Variants in LONP2 observed in about 807,000 individuals in gnomAD.
LONP2 encodes lon protease homolog 2, peroxisomal.
Under a neutral mutation model 85.6 loss-of-function variants are expected in LONP2, and 60 were observed. The observed-to-expected ratio is 0.70, with a 90% CI of 0.57 to 0.87. The LOEUF is 0.87. Among genes scored for constraint, LONP2 ranks in the 40% least tolerant of loss-of-function variants. The pLI is 0.00. For synonymous variants in LONP2, 395 were observed against 389.7 expected, an observed-to-expected ratio of 1.01 and a Z score of -0.16; for missense variants, 860 against 1,063.5, an observed-to-expected ratio of 0.81 and a Z score of 2.66.
At chr16:48,321,177 G>A (rs557152297) in intron 11 of LONP2, among the ~76,000 whole-genome samples, 3 of 152,262 alleles carry the variant, frequency 2.0e-5, no homozygotes, top group East Asian at 1.9e-4. Context: ...GAGCCACCGC[G>A]CCCGGCCTGC....
At chr16:48,341,192 C>T (rs1191991781) in intron 12 of LONP2, among the ~76,000 whole-genome samples, 5 of 152,028 alleles carry the variant, frequency 3.3e-5, no homozygotes, top group Middle Eastern at 3.2e-3. Context: ...CTCAGCTACT[C>T]GAGAGGCCGA....
intron 9 of LONP2, among the ~76,000 whole-genome samples, chr16:48,296,959 T>G (rs1268397528): frequency 6.6e-6 from 1 of 152,126 alleles, no homozygotes; most frequent in Non-Finnish European, 1.5e-5. Flanking sequence ...CTGGAAGAGA[T>G]CAAATATCAC....
Position 48,351,777 on chromosome 16 carries a change from C to G in LONP2, c.2534C>G (p.Pro845Arg), listed in dbSNP as rs1190529608. Reference protein sequence around the residue: ...FDGGFTVKTRPGLLNSKL With the variant: ...FDGGFTVKTRRGLLNSKL ...GGTGGCTTTACTGTCAAGACCAGAC[C>G]TGGTCTGTTAAATAGCAAACTGTAG... Residue 845 changes from proline (P) to arginine (R), a missense_variant, in exon 15 of 15, where the codon CCT becomes CGT. Transcript: ENST00000285737. 3.1e-6 allele frequency: 5 copies of G among 1,614,120 alleles called. No individual in the cohort carries two copies. Among genetic ancestry groups the G allele is most frequent in the Non-Finnish European group, 3.4e-6 (4 of 1,180,004 alleles).
intron 8 of LONP2, among the ~76,000 whole-genome samples, chr16:48,286,711 G>A (rs958126119): frequency 6.6e-6 from 1 of 151,928 alleles, no homozygotes; most frequent in Non-Finnish European, 1.5e-5. Context: ...TGCCCAGGCT[G>A]GTCTCGAACT....
At chr16:48,338,243 A>G (rs1260595688) in intron 12 of LONP2, among the ~76,000 whole-genome samples, 1 of 152,254 alleles carries the variant, frequency 6.6e-6, no homozygotes, top group Non-Finnish European at 1.5e-5. Context: ...TTCTGGCAAC[A>G]CAGTAGTAAA....
downstream of LONP2, among the ~76,000 whole-genome samples, chr16:48,359,651 G>A (rs1027076977): frequency 5.3e-5 from 8 of 152,058 alleles, no homozygotes; most frequent in Admixed American, 3.9e-4. Context: ...AGGAGGCCGA[G>A]GTTGCAGTGA....
chr16:48,267,289 A>G (rs1215792040), intron 6 of LONP2, among the ~76,000 whole-genome samples: 2 of 152,192 alleles, frequency 1.3e-5, no homozygotes, highest in Admixed American at 6.5e-5. Flanking sequence ...TTATAAAACC[A>G]TGAAAATGCC....
intron 10 of LONP2, 40 bp downstream of exon 10, chr16:48,299,828 C>CT: frequency 6.3e-7 from 1 of 1,588,446 alleles, no homozygotes; most frequent in African/African-American, 1.4e-5. Context: ...CTCCAGGCAA[C>CT]TTTTGAGTAT....
chr16:48,346,040 G>A (rs1340670791), intron 12 of LONP2: 2 of 124,802 alleles, frequency 1.6e-5, no homozygotes, highest in Non-Finnish European at 1.6e-5. Flanking sequence ...TGAGACTCAT[G>A]TCTCAAAAAA....
Position 48,351,581 on chromosome 16 carries a change from G to T in LONP2, c.2338G>T (p.Val780Leu). The change falls in exon 15 of 15, where the codon GTG (valine) becomes TTG (leucine). Residue 780 changes from valine (V) to leucine (L), a missense_variant and splice_region_variant. By Grantham distance (32) the Val-to-Leu change is conservative. Coordinates refer to ENST00000285737, the MANE Select transcript of LONP2 (RefSeq NM_031490.5). ...EITLRGLVLP[V>L]GGIKDKVLAA... ...TAAAAACTTTTTTCTCTCCTTACAG[G>T]TGGGTGGAATTAAAGACAAAGTGCT... is the stretch of plus-strand genomic sequence containing the variant. The T allele has an allele frequency of 1.9e-6, 3 of 1,613,588 alleles. No individual in the cohort carries two copies. The South Asian group carries it at 3.3e-5, about 18-fold the overall frequency.
downstream of LONP2, chr16:48,362,275 T>C: frequency 1.2e-6 from 2 of 1,614,190 alleles, no homozygotes; most frequent in Non-Finnish European, 1.7e-6. The surrounding 1 kb of genome is among the most constrained non-coding windows in gnomAD (Gnocchi z 4.2). Flanking sequence ...CATTGAAGAA[T>C]GGGCGGTAAC....
chr16:48,283,923 A>T (rs993016968), intron 8 of LONP2, among the ~76,000 whole-genome samples: 16 of 152,226 alleles, frequency 1.1e-4, no homozygotes, highest in Non-Finnish European at 2.2e-4. Flanking sequence ...CATTAAGAAC[A>T]TTCATGATTC....
intron 12 of LONP2, among the ~76,000 whole-genome samples, chr16:48,340,980 C>G (rs1189850299): frequency 6.6e-6 from 1 of 151,776 alleles, no homozygotes; most frequent in Non-Finnish European, 1.5e-5. Flanking sequence ...AATTGGCTCA[C>G]GGTTCTGAAG....
intron 2 of LONP2, among the ~76,000 whole-genome samples, chr16:48,253,197 C>T (rs891999295): frequency 1.3e-5 from 2 of 152,056 alleles, no homozygotes; most frequent in African/African-American, 2.4e-5. Flanking sequence ...GGGCCAGGTG[C>T]GCTGGTGCAC....
At chr16:48,324,773 C>T (rs59916796) in intron 11 of LONP2, among the ~76,000 whole-genome samples, 5 of 151,680 alleles carry the variant, frequency 3.3e-5, no homozygotes, top group East Asian at 1.9e-4. Flanking sequence ...TTTATTGATA[C>T]GGAAACTGGG....
At chr16:48,334,101 A>G (rs568992862) in intron 11 of LONP2, 115 bp from the exon 12 acceptor site, 4 of 878,448 alleles carry the variant, frequency 4.6e-6, no homozygotes, top group Non-Finnish European at 7.0e-6. Flanking sequence ...TGATAAATGC[A>G]TAAAAGTGAC....
At chr16:48,325,945 T>C (rs1973359935) in intron 11 of LONP2, among the ~76,000 whole-genome samples, 1 of 152,226 alleles carries the variant, frequency 6.6e-6, no homozygotes, top group Non-Finnish European at 1.5e-5. Context: ...GACTTTAGGT[T>C]GGGACAAAAA....
downstream of LONP2, chr16:48,360,862 T>C (rs951298536): frequency 2.0e-5 from 3 of 152,238 alleles, no homozygotes; most frequent in African/African-American, 7.2e-5. Flanking sequence ...CTTTTGATTA[T>C]TTTTCCGATG....
chr16:48,352,010 C>A lies in LONP2; in HGVS notation c.*208C>A. ...AAACTGATAAAAATCGAATTCTTGT[C>A]TTTTTAGTGGGATCCTTACTGTCCC... On this transcript the variant is annotated 3_prime_UTR_variant, in exon 15 of 15. Transcript: ENST00000285737. The A allele has an allele frequency of 1.7e-6, 1 of 578,402 alleles. No individual in the cohort carries two copies. Among genetic ancestry groups the A allele is most frequent in the Non-Finnish European group, 3.1e-6 (1 of 326,936 alleles). 35.8% of individuals were successfully genotyped at this position (578,402 alleles called of 1,614,324 possible).
Sources: allele counts gnomAD v4.1 joint callset (sites outside exome capture counted in the v4.1 genomes callset), GRCh38; gene constraint gnomAD v4.1.1; non-coding constraint Gnocchi (gnomAD v3.1); transcripts MANE v1.5; gene names NCBI Gene and HGNC (gene_info 2026-07-23, HGNC 2026-07-21).